The following ADAMTS13 variants were observed in gnomAD, a reference collection of about 807,000 sequenced individuals.
The protein encoded by ADAMTS13 is ADAM metallopeptidase with thrombospondin type 1 motif 13.
Under a neutral mutation model 155.1 loss-of-function variants are expected in ADAMTS13, and 110 were observed. The ratio of observed to expected loss-of-function variants is 0.71; its 90% CI spans 0.61 to 0.83. The LOEUF is 0.83. Among genes scored for constraint, ADAMTS13 ranks in the 40% least tolerant of loss-of-function variants. The pLI is 0.00. For missense variants in ADAMTS13, 1,707 were observed against 1,891.7 expected (o/e 0.90, Z 1.81); for synonymous variants, 758 against 756.4 (o/e 1.00, Z -0.03).
At chr9:133,447,117 C>A (rs587609164) in intron 21 of ADAMTS13, among the ~76,000 whole-genome samples, 2 of 152,122 alleles carry the variant, frequency 1.3e-5, no homozygotes, top group African/African-American at 2.4e-5. Context: ...GGCCTCCCAA[C>A]GTGCTGGGAT....
chr9:133,457,828 ACGGCTCC>A, intron 27 of ADAMTS13, 75 bp from the exon 28 acceptor site: 1 of 1,571,928 alleles, frequency 6.4e-7, no homozygotes, highest in South Asian at 1.1e-5. Context: ...GCTGCCCTGC[ACGGCTCC>A]CTGGCTGTGA....
Position 133,422,934 on chromosome 9 carries a change from CT to C in ADAMTS13, c.106-144del, listed in dbSNP as rs71281254. Among the ~76,000 whole-genome samples the C allele has an allele frequency of 0.21, 19,409 of 93,106 alleles. 1,923 individuals are homozygous for C. The highest frequency in any genetic ancestry group is 0.29 in the Non-Finnish European group (13,037 of 44,756). 61.1% of individuals were successfully genotyped at this position (93,106 alleles called of 152,430 possible). A position where few individuals can be genotyped will look rare whatever the true frequency, so the allele number is the denominator to read the frequency against. On this transcript the variant is annotated intron_variant, in intron 1 of 28. Transcript: ENST00000355699. ...TGTTCTTTTTTCTTTCTCTCTCTCT[CT>C]TTTTTTTTTTTTTTTTTTTTTTAAG... is the stretch of plus-strand genomic sequence containing the variant.
At position 133,440,671 on chromosome 9, in the gene ADAMTS13, C is replaced by G. The variant is rs1740076055; in HGVS notation, c.1968+146C>G. On this transcript the variant is annotated intron_variant, in intron 16 of 28. Coordinates refer to ENST00000355699, the MANE Select transcript of ADAMTS13 (RefSeq NM_139027.6). This position sits in a 1 kb window ranked among gnomAD's most constrained non-coding sequence, Gnocchi z 4.3. ...CAGGGGACCCACTATGTGTTGGGCC[C>G]TGTGCTAGGCAAAATGTAGCTAGCT... 1 of 981,920 alleles carries G rather than the reference C, an allele frequency of 1.0e-6. No homozygotes were observed. Among genetic ancestry groups the G allele is most frequent in the African/African-American group, 1.6e-5 (1 of 61,016 alleles). 60.8% of individuals were successfully genotyped at this position (981,920 alleles called of 1,614,324 possible).
rs1554796253 is a variant in ADAMTS13 at position 133,456,921 on chromosome 9, C to A, written c.3724+202C>A. On this transcript the variant is annotated intron_variant, in intron 27 of 28. Coordinates refer to ENST00000355699, the MANE Select transcript of ADAMTS13 (RefSeq NM_139027.6). The surrounding 1 kb of genome is among the most constrained non-coding windows in gnomAD (Gnocchi z 4.4). ...TCACAGGATGAATGCTATATCCCTC[C>A]TTTTTGGGACCGTGCAGCAAGATGG... The A allele has an allele frequency of 2.8e-6, 2 of 722,620 alleles. No individual in the cohort carries two copies. Among genetic ancestry groups the A allele is most frequent in the East Asian group, 5.4e-5 (2 of 36,764 alleles). 44.8% of individuals were successfully genotyped at this position (722,620 alleles called of 1,614,324 possible).
In ADAMTS13 at chr9:133,443,499, A is replaced by AGCAG. The variant is rs781954210; in HGVS notation, c.2360_2363dup (p.Ala789ArgfsTer57). On this transcript the variant is annotated frameshift_variant, in exon 19 of 29. Transcript: ENST00000355699. LOFTEE classifies it high-confidence loss of function. Reference sequence around the variant, plus strand: ...AGACATTGCCCCCAGCCCGGTGCAGAGCAGGGGCCCAGCAGCCAGCTGTGG... The same window carrying AGCAG: ...AGACATTGCCCCCAGCCCGGTGCAGAGCAGGCAGGGGCCCAGCAGCCAGCTGTGG... 13 of 1,585,626 alleles carry AGCAG rather than the reference A, an allele frequency of 8.2e-6. No individual in the cohort carries two copies. Among genetic ancestry groups the AGCAG allele is most frequent in the Non-Finnish European group, 1.1e-5 (13 of 1,171,644 alleles).
chr9:133,448,051 C>T (rs1554793120), intron 21 of ADAMTS13, among the ~76,000 whole-genome samples: 1 of 148,374 alleles, frequency 6.7e-6, no homozygotes, highest in East Asian at 2.0e-4. Context: ...AGTCCAGTGG[C>T]GCAGTCTTGG....
chr9:133,459,292 C>G lies in ADAMTS13; in HGVS notation c.*112C>G. On this transcript the variant is annotated 3_prime_UTR_variant, in exon 29 of 29. Transcript: ENST00000355699. ...TCTTAGGTATCTACTTTAGAGTCTT[C>G]TCCAATGTCCAAAAGGCTAGGGGGT... is the stretch of plus-strand genomic sequence containing the variant. The G allele has an allele frequency of 9.0e-7, 1 of 1,106,638 alleles. No individual in the cohort carries two copies. The highest frequency in any genetic ancestry group is 1.3e-6 in the Non-Finnish European group (1 of 749,430). 68.6% of individuals were successfully genotyped at this position (1,106,638 alleles called of 1,614,324 possible). A position where few individuals can be genotyped will look rare whatever the true frequency, so the allele number is the denominator to read the frequency against.
At chr9:133,444,767 G>T in intron 19 of ADAMTS13, 96 bp from the exon 20 acceptor site, 2 of 1,312,944 alleles carry the variant, frequency 1.5e-6, no homozygotes, top group African/African-American at 1.5e-5. Flanking sequence ...GGATGTTGGG[G>T]AGCAGGTCCC....
chr9:133,455,914 G>A (rs1842714296), intron 25 of ADAMTS13, 155 bp from the exon 26 acceptor site: 1 of 987,156 alleles, frequency 1.0e-6, no homozygotes, highest in Admixed American at 2.0e-5. Context: ...GACCTATGCA[G>A]CCCCCCTCCC....
At chr9:133,455,643 G>A (rs1842696955) in intron 25 of ADAMTS13, 2 of 1,595,254 alleles carry the variant, frequency 1.3e-6, no homozygotes, top group East Asian at 4.5e-5. Flanking sequence ...AGCTGCTGCA[G>A]GAGGGGTGGG....
intron 6 of ADAMTS13, among the ~76,000 whole-genome samples, chr9:133,427,616 C>G (rs1840370907): frequency 6.6e-6 from 1 of 152,128 alleles, no homozygotes; most frequent in South Asian, 2.1e-4. Context: ...TGGGAGGGTT[C>G]TTGGCTTCAC....
intron 22 of ADAMTS13, among the ~76,000 whole-genome samples, chr9:133,449,174 T>C (rs1376972433): frequency 6.6e-6 from 1 of 152,150 alleles, no homozygotes; most frequent in African/African-American, 2.4e-5. Flanking sequence ...GCGTGTAAAG[T>C]ACATTGCACA....
intron 8 of ADAMTS13, among the ~76,000 whole-genome samples, chr9:133,430,421 GC>G (rs991067736): frequency 2.6e-5 from 4 of 152,136 alleles, no homozygotes; most frequent in Non-Finnish European, 5.9e-5. Flanking sequence ...ATCTATTGTG[GC>G]TGGAGTCAGA....
chr9:133,437,715 G>T (rs1554789469), intron 12 of ADAMTS13, 34 bp from the exon 13 acceptor site: 1 of 1,613,258 alleles, frequency 6.2e-7, no homozygotes, highest in Non-Finnish European at 8.5e-7. Flanking sequence ...CTCCTGCTCG[G>T]TTCAGGACAC....
At position 133,445,296 on chromosome 9, in the gene ADAMTS13, C is replaced by T. The variant is rs921084479; in HGVS notation, c.2610+244C>T. ...GGAAGCATCTGAGGAGAGTGTAATGCAGCTGCTGTGCAGAGAAATGCTGCC... is the reference window on the plus strand; with the variant it reads ...GGAAGCATCTGAGGAGAGTGTAATGTAGCTGCTGTGCAGAGAAATGCTGCC... On this transcript the variant is annotated intron_variant, in intron 20 of 28. Coordinates refer to ENST00000355699, the MANE Select transcript of ADAMTS13 (RefSeq NM_139027.6). The surrounding 1 kb of genome is among the most constrained non-coding windows in gnomAD (Gnocchi z 5.0). Among the ~76,000 whole-genome samples the T allele has an allele frequency of 1.3e-5, 2 of 152,226 alleles. No homozygotes were observed. The highest frequency in any genetic ancestry group is 4.8e-5 in the African/African-American group (2 of 41,472).
Position 133,424,183 on chromosome 9 carries a change from G to C in ADAMTS13, c.173-138G>C, listed in dbSNP as rs1564407296. 4.4e-6 allele frequency: 6 copies of C among 1,378,284 alleles called. No homozygotes were observed. The East Asian group carries it at 1.4e-4, about 31-fold the overall frequency. 85.4% of individuals were successfully genotyped at this position (1,378,284 alleles called of 1,614,324 possible). On this transcript the variant is annotated intron_variant, in intron 2 of 28. Coordinates refer to ENST00000355699, the MANE Select transcript of ADAMTS13 (RefSeq NM_139027.6). The surrounding 1 kb of genome is among the most constrained non-coding windows in gnomAD (Gnocchi z 4.3). ...CGTGCCTAGTCACTAATGGGGTCTG[G>C]CTCTTGGGGTGGGGGTGACACGCAA...
chr9:133,455,723 G>T, intron 25 of ADAMTS13: 1 of 1,341,580 alleles, frequency 7.5e-7, no homozygotes, highest in South Asian at 1.2e-5. Context: ...TGGGAGGCCG[G>T]GATCAGGGCT....
At chr9:133,433,585 G>A in intron 10 of ADAMTS13, 56 bp downstream of exon 10, 1 of 1,613,788 alleles carries the variant, frequency 6.2e-7, no homozygotes, top group South Asian at 1.1e-5. Context: ...ATAGTCCCTA[G>A]TTGAAGGCAG....
At position 133,438,330 on chromosome 9, in the gene ADAMTS13, C is replaced by T. The variant is rs1554789701; in HGVS notation, c.1669C>T (p.Pro557Ser). The T allele has an allele frequency of 6.2e-7, 1 of 1,614,048 alleles. No individual in the cohort carries two copies. Among genetic ancestry groups the T allele is most frequent in the Non-Finnish European group, 8.5e-7 (1 of 1,180,004 alleles). The change falls in exon 14 of 29, where the codon CCA (proline) becomes TCA (serine). Residue 557 changes from proline to serine, a missense_variant. Physicochemically the swap from Pro to Ser is moderately conservative, Grantham distance 74 (BLOSUM62 -1). Transcript: ENST00000355699. ...VCGGDNSTCS[P>S]RKGSFTAGRA... Reference sequence around the variant, plus strand: ...TGGTGGGGACAACAGCACGTGCAGCCCACGGAAGGGCTCTTTCACAGCTGG... The same window carrying T: ...TGGTGGGGACAACAGCACGTGCAGCTCACGGAAGGGCTCTTTCACAGCTGG...
Sources: gnomAD v4.1 joint callset for allele counts (sites outside exome capture counted in the v4.1 genomes callset) on GRCh38, gnomAD v4.1.1 for gene constraint, Gnocchi (gnomAD v3.1) non-coding constraint, MANE v1.5 for transcripts, NCBI Gene and HGNC (gene_info 2026-07-23, HGNC 2026-07-21) for gene names.